Variants in STK32B observed in about 807,000 individuals in gnomAD.
STK32B encodes the protein serine/threonine kinase 32B.
STK32B carries 43 observed loss-of-function variants against 52.6 expected under a neutral mutation model. The observed-to-expected ratio is 0.82, with a 90% CI of 0.64 to 1.05. STK32B has a LOEUF of 1.05. Ranked by LOEUF, STK32B falls within the 50% of genes least tolerant of loss-of-function variation. The pLI, the probability that STK32B is intolerant of heterozygous loss-of-function variation, is 0.00. For synonymous variants in STK32B, 238 were observed against 204.3 expected (o/e 1.17, Z -1.41); for missense variants, 621 against 534.6 (o/e 1.16, Z -1.59).
rs1371221603 is a variant in STK32B, at chr4:5,310,635, TA to T, written c.261-20578del. On this transcript the variant is annotated intron_variant, in intron 3 of 11. Coordinates refer to ENST00000282908, the MANE Select transcript of STK32B (RefSeq NM_018401.3). ...TTATGGAAAACAGTATGGAGGGTCC[TA>T]AAAAAATAGAAAAAAAATGAACTAT... Among the ~76,000 whole-genome samples, 7 of 152,102 alleles carry T rather than the reference TA, an allele frequency of 4.6e-5. No individual in the cohort carries two copies. The East Asian group carries it at 5.8e-4, about 13-fold the overall frequency.
intron 3 of STK32B, among the ~76,000 whole-genome samples, chr4:5,201,266 T>G (rs940945890): frequency 6.6e-6 from 1 of 152,158 alleles, no homozygotes; most frequent in African/African-American, 2.4e-5. Flanking sequence ...GACAGTCCTG[T>G]GTCCTTGTCC....
rs565683186 is a variant in STK32B, at chr4:5,150,739, C to T, written c.108+10779C>T. On this transcript the variant is annotated intron_variant, in intron 2 of 11. Transcript: ENST00000282908. The stretch of plus-strand genomic sequence containing the variant: ...TCCTCTTGGATACTCTTGGATTTCT[C>T]CTCTTGGATACTCTTGGATTTCTCA... Among the ~76,000 whole-genome samples, 3 of 152,262 alleles carry T rather than the reference C, an allele frequency of 2.0e-5. No homozygotes were observed. The South Asian group carries it at 6.2e-4, about 32-fold the overall frequency.
In STK32B at chr4:5,364,961, T is replaced by C. The variant is rs145892991; in HGVS notation, c.435-33246T>C. On this transcript the variant is annotated intron_variant, in intron 4 of 11. Coordinates refer to ENST00000282908, the MANE Select transcript of STK32B (RefSeq NM_018401.3). ...TGCAATCTCGGCCCACTGCAACCTC[T>C]ACCTCCTGGGTCCAAGCGATTCTCC... Among the ~76,000 whole-genome samples, 1,308 of 152,278 alleles carry C rather than the reference T, an allele frequency of 8.6e-3. 16 individuals are homozygous for C. The highest frequency in any genetic ancestry group is 0.029 in the African/African-American group (1,194 of 41,564).
At chr4:5,023,150 A>C in the STK32B span, among the ~76,000 whole-genome samples, 1 of 152,148 alleles carries the variant, frequency 6.6e-6, no homozygotes, top group Non-Finnish European at 1.5e-5. Flanking sequence ...TCTAGAATGC[A>C]AAGAAAGATT....
At chr4:5,173,210 T>A (rs1183528802) in intron 3 of STK32B, among the ~76,000 whole-genome samples, 1 of 152,180 alleles carries the variant, frequency 6.6e-6, no homozygotes, top group Admixed American at 6.5e-5. Context: ...TTCTTCTTTA[T>A]TAGTCTTGCA....
At chr4:5,032,723 C>T in the STK32B span, among the ~76,000 whole-genome samples, 2 of 152,038 alleles carry the variant, frequency 1.3e-5, no homozygotes, top group African/African-American at 4.8e-5. Flanking sequence ...ACAACCATCA[C>T]CACCATCTAC....
intron 2 of STK32B, among the ~76,000 whole-genome samples, chr4:5,155,830 T>A (rs1484728652): frequency 6.6e-6 from 1 of 152,132 alleles, no homozygotes; most frequent in African/African-American, 2.4e-5. Context: ...AAACCTCTTT[T>A]CTTTATAAAT....
chr4:5,291,585 G>C (rs566391040), intron 3 of STK32B, among the ~76,000 whole-genome samples: 6 of 152,200 alleles, frequency 3.9e-5, no homozygotes, highest in African/African-American at 1.4e-4. Flanking sequence ...CGCAAATCAA[G>C]TAATTTTTCA....
At chr4:5,207,741 T>C (rs890668485) in intron 3 of STK32B, among the ~76,000 whole-genome samples, 15 of 151,892 alleles carry the variant, frequency 9.9e-5, no homozygotes, top group African/African-American at 3.6e-4. Context: ...AGACTGCAGC[T>C]GAAAAGAAGA....
intron 9 of STK32B, among the ~76,000 whole-genome samples, chr4:5,462,112 TGTGCATCTGTGTGTGCATGCCA>T (rs1393508846): frequency 1.3e-5 from 2 of 152,168 alleles, no homozygotes; most frequent in Non-Finnish European, 2.9e-5. Flanking sequence ...TGTGTATGCC[TGTGCATCTGTGTGTGCATGCCA>T]GTGCATTTGT....
chr4:5,176,438 C>CTTTTTT (rs34628636), intron 3 of STK32B, among the ~76,000 whole-genome samples: 6 of 111,962 alleles, frequency 5.4e-5, no homozygotes, highest in Non-Finnish European at 8.6e-5. Flanking sequence ...CGGCCATCAT[C>CTTTTTT]TTTTTTTTTT....
intron 3 of STK32B, among the ~76,000 whole-genome samples, chr4:5,176,481 T>C (rs961441246): frequency 1.3e-5 from 2 of 149,094 alleles, no homozygotes; most frequent in Non-Finnish European, 3.0e-5. Context: ...TTCACTCTTG[T>C]CACCCAGGCT....
At chr4:5,050,593 G>A (rs1741727413), upstream of STK32B, among the ~76,000 whole-genome samples, 1 of 152,118 alleles carries the variant, frequency 6.6e-6, no homozygotes, top group Non-Finnish European at 1.5e-5. Flanking sequence ...TCAAAGCACG[G>A]ACAGTGGTTC....
rs1343831161 is a variant in STK32B, at chr4:5,469,938, A to G, written c.1106+1868A>G. 6.6e-6 allele frequency among the ~76,000 whole-genome samples: 1 copy of G among 152,120 alleles called. No homozygotes were observed. Among genetic ancestry groups the G allele is most frequent in the East Asian group, 1.9e-4 (1 of 5,180 alleles). On this transcript the variant is annotated intron_variant, in intron 11 of 11. Transcript: ENST00000282908. This position sits in a 1 kb window ranked among gnomAD's most constrained non-coding sequence, Gnocchi z 4.7. ...CAGGAACTTCTGCTCAAAGAGCATC[A>G]GTGATCTTGGGCTCAGGCAGCCTTC...
intron 3 of STK32B, among the ~76,000 whole-genome samples, chr4:5,199,372 A>C (rs568762990): frequency 2.6e-5 from 4 of 152,172 alleles, no homozygotes; most frequent in African/African-American, 7.2e-5. Context: ...TGTCATTAGC[A>C]TATCTTTGTT....
chr4:5,287,978 G>C (rs1728659150), intron 3 of STK32B, among the ~76,000 whole-genome samples: 1 of 152,040 alleles, frequency 6.6e-6, no homozygotes, highest in African/African-American at 2.4e-5. Flanking sequence ...CCATAGATTT[G>C]CTTGTTCCAT....
chr4:5,449,248 CAGG>C (rs1715759555), intron 7 of STK32B, among the ~76,000 whole-genome samples: 1 of 152,122 alleles, frequency 6.6e-6, no homozygotes, highest in Non-Finnish European at 1.5e-5. Flanking sequence ...GAGTCTGAGG[CAGG>C]AGAATTGCTT....
intron 3 of STK32B, among the ~76,000 whole-genome samples, chr4:5,299,609 T>C (rs1729423625): frequency 6.6e-6 from 1 of 152,190 alleles, no homozygotes; most frequent in African/African-American, 2.4e-5. Context: ...TTCCCTAGTC[T>C]CTTACATTGG....
At position 5,331,400 on chromosome 4, in the gene STK32B, G is replaced by T; in HGVS notation, c.434+7G>T. On this transcript the variant is annotated splice_region_variant and intron_variant, in intron 4 of 11. Coordinates refer to ENST00000282908, the MANE Select transcript of STK32B (RefSeq NM_018401.3). ...GGTACCACATCATCCACAGGTAACT[G>T]GGCTGCTGGCGGGATGCCTGGGACA... The T allele has an allele frequency of 6.2e-7, 1 of 1,604,140 alleles. No homozygotes were observed. The highest frequency in any genetic ancestry group is 8.5e-7 in the Non-Finnish European group (1 of 1,173,910).
Sources: gnomAD v4.1 joint callset for allele counts (sites outside exome capture counted in the v4.1 genomes callset) on GRCh38, gnomAD v4.1.1 for gene constraint, Gnocchi (gnomAD v3.1) non-coding constraint, MANE v1.5 for transcripts, NCBI Gene and HGNC (gene_info 2026-07-23, HGNC 2026-07-21) for gene names.